The following EEA1 variants were observed in gnomAD, a reference collection of about 807,000 sequenced individuals.
The protein encoded by EEA1 is early endosome antigen 1, 162kD.
In EEA1, 111 loss-of-function variants were observed where a neutral mutation model predicts 209.2. The ratio of observed to expected loss-of-function variants is 0.53; its 90% CI spans 0.45 to 0.62. EEA1 has a LOEUF of 0.62. Among genes scored for constraint, EEA1 ranks in the 20% least tolerant of loss-of-function variants. EEA1 has a pLI of 0.00. For synonymous variants in EEA1, 536 were observed against 540.6 expected (o/e 0.99, Z 0.12); for missense variants, 1,343 against 1,530.8 (o/e 0.88, Z 2.05).
At chr12:92,778,933 T>C (rs566205797) in intron 25 of EEA1, among the ~76,000 whole-genome samples, 182 bp downstream of exon 25, 16 of 152,108 alleles carry the variant, frequency 1.1e-4, no homozygotes, top group Non-Finnish European at 1.9e-4. Context: ...AGAATTATGG[T>C]TACAGGGTAA....
At chr12:92,867,877 A>C (rs1229342886) in intron 2 of EEA1, among the ~76,000 whole-genome samples, 5 of 152,146 alleles carry the variant, frequency 3.3e-5, no homozygotes, top group African/African-American at 1.2e-4. Flanking sequence ...AGAGAGAGAG[A>C]GAGACACAGT....
chr12:92,866,470 G>A (rs1878401521), intron 2 of EEA1, among the ~76,000 whole-genome samples: 1 of 151,826 alleles, frequency 6.6e-6, no homozygotes, highest in African/African-American at 2.4e-5. Context: ...AAGGTTCTAT[G>A]GAAAGTAAGT....
rs181271761 is a variant in EEA1 at position 92,792,622 on chromosome 12, A to T, written c.2968-4573T>A. On this transcript the variant is annotated intron_variant, in intron 21 of 28. Transcript: ENST00000322349. ...TGAATAGACCAATAACAGGATCTGA[A>T]ATTGAGGAAATAATTAATAGCCTAC... Among the ~76,000 whole-genome samples the T allele has an allele frequency of 1.0e-3, 155 of 152,296 alleles. 1 individual carries two copies. The highest frequency in any genetic ancestry group is 3.4e-3 in the African/African-American group (142 of 41,542).
At chr12:92,923,247 C>T (rs1006358876) in intron 1 of EEA1, among the ~76,000 whole-genome samples, 7 of 152,020 alleles carry the variant, frequency 4.6e-5, no homozygotes, top group African/African-American at 1.7e-4. Context: ...ACTCGGGAGG[C>T]TGAGGCAGGA....
At chr12:92,780,522 C>T (rs1873859972) in intron 23 of EEA1, 111 bp from the exon 24 acceptor site, 2 of 770,310 alleles carry the variant, frequency 2.6e-6, no homozygotes, top group East Asian at 3.1e-5. Context: ...CCCTTTTCTA[C>T]CTAACTTGGG....
intron 18 of EEA1, among the ~76,000 whole-genome samples, chr12:92,803,325 C>G (rs1246375050): frequency 6.6e-6 from 1 of 151,948 alleles, no homozygotes; most frequent in East Asian, 1.9e-4. Context: ...ATCATTTGTT[C>G]CTTAATATAG....
At chr12:92,895,604 GT>G (rs1565854779) in intron 1 of EEA1, among the ~76,000 whole-genome samples, 2 of 152,038 alleles carry the variant, frequency 1.3e-5, no homozygotes, top group Admixed American at 1.3e-4. Flanking sequence ...GGAGTTTAAT[GT>G]TGTTTTCATG....
intron 1 of EEA1, among the ~76,000 whole-genome samples, chr12:92,907,308 T>C (rs1880420378): frequency 2.0e-5 from 3 of 152,240 alleles, no homozygotes; most frequent in African/African-American, 4.8e-5. Context: ...ATATATCTAA[T>C]TGAATGCCTT....
At chr12:92,858,803 C>A in intron 3 of EEA1, 3 of 784,326 alleles carry the variant, frequency 3.8e-6, no homozygotes, top group South Asian at 2.7e-5. Flanking sequence ...GATGAGGATA[C>A]AATCTACCAC....
chr12:92,831,961 C>T (rs1462954295), intron 11 of EEA1, among the ~76,000 whole-genome samples: 3 of 150,964 alleles, frequency 2.0e-5, no homozygotes, highest in Non-Finnish European at 4.4e-5. Context: ...GTGGCGGGCG[C>T]CTGTAGTCCC....
rs1289371974 is a variant in EEA1 at position 92,832,780 on chromosome 12, G to A, written c.986C>T (p.Ser329Phe). ...TKLEEKHNEESVSKKNIQATL... is the reference protein window; with the variant it reads ...TKLEEKHNEEFVSKKNIQATL... ...TGCCTGAATATTCTTTTTACTCACA[G>A]ATTCTTCATTATGTTTCTCCTCTAA... The change falls in exon 11 of 29, where the codon TCT (serine) becomes TTT (phenylalanine). Residue 329 changes from serine (S) to phenylalanine (F), a missense_variant. Physicochemically the swap from Ser to Phe is radical, Grantham distance 155 (BLOSUM62 -2). Coordinates refer to ENST00000322349, the MANE Select transcript of EEA1 (RefSeq NM_003566.4). The A allele has an allele frequency of 6.2e-7, 1 of 1,613,806 alleles. No individual in the cohort carries two copies. Among genetic ancestry groups the A allele is most frequent in the East Asian group, 2.2e-5 (1 of 44,834 alleles).
chr12:92,845,372 G>T (rs1458302226), intron 9 of EEA1, among the ~76,000 whole-genome samples: 1 of 151,768 alleles, frequency 6.6e-6, no homozygotes, highest in East Asian at 1.9e-4. Context: ...GTTTATATTT[G>T]GGGAAAAAAT....
chr12:92,802,666 G>A lies in EEA1; in HGVS notation c.2408C>T (p.Thr803Ile). Residue 803 changes from threonine (T) to isoleucine (I), a missense_variant, in exon 19 of 29, where the codon ACC (threonine) becomes ATC (isoleucine). This residue lies in a region of EEA1 where 1,307 missense variants were observed against 1,465.5 expected (regional missense o/e 0.89). Transcript: ENST00000322349. ...GATTTTTTTTTCTTCCTCTTGCTTGGTAAGCTTTTGCTTGATACTTTCAAG... is the reference window on the plus strand; with the variant it reads ...GATTTTTTTTTCTTCCTCTTGCTTGATAAGCTTTTGCTTGATACTTTCAAG... ...EALESIKQKL[T>I]KQEEEKKILK... The A allele has an allele frequency of 1.9e-6, 3 of 1,605,890 alleles. No homozygotes were observed. Among genetic ancestry groups the A allele is most frequent in the Non-Finnish European group, 2.5e-6 (3 of 1,177,814 alleles).
intron 21 of EEA1, among the ~76,000 whole-genome samples, chr12:92,793,416 A>G (rs1025426858): frequency 6.6e-6 from 1 of 152,346 alleles, no homozygotes. Flanking sequence ...TTAAGCTGAT[A>G]AGCAACTTCA....
chr12:92,818,154 C>A (rs1427314036), intron 14 of EEA1, among the ~76,000 whole-genome samples: 1 of 152,088 alleles, frequency 6.6e-6, no homozygotes, highest in African/African-American at 2.4e-5. Flanking sequence ...GGTATCCTAC[C>A]CTACAAATTC....
At chr12:92,801,524 G>A (rs1180743874) in intron 20 of EEA1, 76 bp downstream of exon 20, 7 of 964,442 alleles carry the variant, frequency 7.3e-6, no homozygotes, top group East Asian at 6.0e-5. Flanking sequence ...GAACAAACAT[G>A]CTTTATATAT....
At chr12:92,867,345 T>G (rs1878445714) in intron 2 of EEA1, among the ~76,000 whole-genome samples, 1 of 152,144 alleles carries the variant, frequency 6.6e-6, no homozygotes, top group Non-Finnish European at 1.5e-5. Context: ...GCATATTGGA[T>G]TTTTTTCATC....
At chr12:92,844,813 T>C (rs745889778) in intron 9 of EEA1, among the ~76,000 whole-genome samples, 2 of 152,008 alleles carry the variant, frequency 1.3e-5, no homozygotes, top group Non-Finnish European at 2.9e-5. Context: ...ACAGAAATAA[T>C]AACAGTATAT....
intron 2 of EEA1, among the ~76,000 whole-genome samples, chr12:92,889,125 G>A (rs568875830): frequency 1.3e-5 from 2 of 150,848 alleles, no homozygotes; most frequent in Non-Finnish European, 1.5e-5. Flanking sequence ...GCACTCCAAG[G>A]CAACAAAGCA....
Sources: allele counts gnomAD v4.1 joint callset (sites outside exome capture counted in the v4.1 genomes callset), GRCh38; gene constraint gnomAD v4.1.1; regional missense constraint gnomAD v4.1.1; transcripts MANE v1.5; gene names NCBI Gene and HGNC (gene_info 2026-07-23, HGNC 2026-07-21).